Variants in STYXL2 observed in about 807,000 individuals in gnomAD.
STYXL2 encodes the protein serine/threonine/tyrosine-interacting-like protein 2.
A neutral mutation model predicts 52.4 loss-of-function variants in STYXL2; 44 were observed. That is an observed-to-expected ratio of 0.84 (90% confidence interval 0.66 to 1.08). The LOEUF (loss-of-function observed/expected upper bound fraction) is 1.08. STYXL2 is among the 50% of genes least tolerant of loss of function. The pLI is 0.00. For synonymous variants in STYXL2, 604 were observed against 586.9 expected, an observed-to-expected ratio of 1.03 and a Z score of -0.42; for missense variants, 1,604 against 1,471.7, an observed-to-expected ratio of 1.09 and a Z score of -1.47.
At chr1:167,099,356 G>A (rs1164757667) in intron 2 of STYXL2, among the ~76,000 whole-genome samples, 3 of 152,090 alleles carry the variant, frequency 2.0e-5, no homozygotes, top group Non-Finnish European at 2.9e-5. Context: ...TTAACCTAAT[G>A]AGCATTTATA....
chr1:167,126,280 G>T lies in STYXL2; in HGVS notation c.1149G>T (p.Glu383Asp). 3 of 1,535,956 alleles carry T rather than the reference G, an allele frequency of 2.0e-6. No individual in the cohort carries two copies. The highest frequency in any genetic ancestry group is 1.8e-6 in the Non-Finnish European group (2 of 1,141,770). ...RSASSGQGGE[E>D]LEDEDVERII... is the part of the protein sequence containing the mutation. ...CCTCCTCTGGCCAGGGTGGGGAGGA[G>T]CTCGAGGACGAGGACGTGGAGAGGA... The change falls in exon 6 of 6, where the codon GAG becomes GAT. Residue 383 changes from glutamate to aspartate, a missense_variant. Glu to Asp is a conservative substitution (Grantham distance 45). Coordinates refer to ENST00000361200, the MANE Select transcript of STYXL2 (RefSeq NM_001080426.3).
At chr1:167,103,009 G>A (rs997515715) in intron 2 of STYXL2, among the ~76,000 whole-genome samples, 2 of 132,514 alleles carry the variant, frequency 1.5e-5, no homozygotes, top group South Asian at 2.2e-4. Flanking sequence ...AAATCAAGCT[G>A]GTGACAGAGC....
chr1:167,121,184 T>C (rs1458442279), intron 5 of STYXL2, among the ~76,000 whole-genome samples: 1 of 151,914 alleles, frequency 6.6e-6, no homozygotes, highest in African/African-American at 2.4e-5. Flanking sequence ...AGCTAATTTT[T>C]GTATTTTTAG....
chr1:167,126,593 GAGA>G lies in STYXL2; in HGVS notation c.1465_1467del (p.Lys489del), dbSNP rs1170786321. 1 of 1,613,958 alleles carries G rather than the reference GAGA, an allele frequency of 6.2e-7. No individual in the cohort carries two copies. Among genetic ancestry groups the G allele is most frequent in the Non-Finnish European group, 8.5e-7 (1 of 1,180,020 alleles). On this transcript the variant is annotated inframe_deletion, in exon 6 of 6. Coordinates refer to ENST00000361200, the MANE Select transcript of STYXL2 (RefSeq NM_001080426.3). Reference sequence around the variant, plus strand: ...ATGGAACGAGAGGCTGCTGGAGATTGAGAAGGAGGCTTCCCGGAGGTACCACGC... The same window carrying G: ...ATGGAACGAGAGGCTGCTGGAGATTGAGGAGGCTTCCCGGAGGTACCACGC...
intron 5 of STYXL2, 74 bp from the exon 6 acceptor site, chr1:167,125,713 A>T (rs886263379): frequency 5.4e-6 from 8 of 1,493,310 alleles, no homozygotes; most frequent in Non-Finnish European, 7.1e-6. Context: ...CACTTACCAA[A>T]GAAAACAAAC....
chr1:167,099,889 G>T lies in STYXL2; in HGVS notation c.110+4930G>T, dbSNP rs541795988. Among the ~76,000 whole-genome samples the T allele has an allele frequency of 2.6e-5, 4 of 152,342 alleles. No individual in the cohort carries two copies. The East Asian group carries it at 7.7e-4, about 29-fold the overall frequency. On this transcript the variant is annotated intron_variant, in intron 2 of 5. Transcript: ENST00000361200. ...AACAACATGATGAACTGTCCAATTA[G>T]CAGTAGGCTAGATAAATAGAGTCTG...
chr1:167,125,993 C>T lies in STYXL2; in HGVS notation c.862C>T (p.Arg288Trp). 1.2e-6 allele frequency: 2 copies of T among 1,610,946 alleles called. No homozygotes were observed. The highest frequency in any genetic ancestry group is 8.5e-7 in the Non-Finnish European group (1 of 1,178,640). ...LMEEREEDYGREGGSAEAEEG... is the reference protein window; with the variant it reads ...LMEEREEDYGWEGGSAEAEEG... The stretch of plus-strand genomic sequence containing the variant: ...GGAGGAGAGAGAAGAGGACTATGGC[C>T]GGGAGGGGGGATCAGCTGAGGCTGA... The change falls in exon 6 of 6, where the codon CGG (arginine) becomes TGG (tryptophan). Residue 288 changes from arginine (R) to tryptophan (W), a missense_variant. Physicochemically the swap from Arg to Trp is moderately radical, Grantham distance 101 (BLOSUM62 -3). Coordinates refer to ENST00000361200, the MANE Select transcript of STYXL2 (RefSeq NM_001080426.3).
rs191572124 is a variant in STYXL2 at position 167,111,175 on chromosome 1, A to C, written c.111-2535A>C. Reference sequence around the variant, plus strand: ...GAAGAGAAATCTAAAAGTTTGGAAAACTTTTAGATGTGGGCATGGATGTGG... The same window carrying C: ...GAAGAGAAATCTAAAAGTTTGGAAACCTTTTAGATGTGGGCATGGATGTGG... On this transcript the variant is annotated intron_variant, in intron 2 of 5. Coordinates refer to ENST00000361200, the MANE Select transcript of STYXL2 (RefSeq NM_001080426.3). Among the ~76,000 whole-genome samples, 3 of 152,094 alleles carry C rather than the reference A, an allele frequency of 2.0e-5. No homozygotes were observed. In the East Asian group the frequency reaches 5.8e-4, roughly 29 times the overall value.
intron 5 of STYXL2, among the ~76,000 whole-genome samples, chr1:167,121,857 C>G (rs545057610): frequency 3.9e-5 from 6 of 152,324 alleles, no homozygotes; most frequent in African/African-American, 1.4e-4. Context: ...TGCCAGGCAG[C>G]GAAAGGCCCT....
chr1:167,095,630 A>G (rs1667269556), intron 2 of STYXL2, among the ~76,000 whole-genome samples: 1 of 152,234 alleles, frequency 6.6e-6, no homozygotes, highest in Non-Finnish European at 1.5e-5. Flanking sequence ...ACGAGACGTT[A>G]AAGAAATGTC....
chr1:167,104,869 G>T (rs549171297), intron 2 of STYXL2, among the ~76,000 whole-genome samples: 1 of 152,230 alleles, frequency 6.6e-6, no homozygotes, highest in East Asian at 1.9e-4. Flanking sequence ...TCAGCTATAG[G>T]AAAGTCTGGG....
At chr1:167,113,825 G>A in intron 3 of STYXL2, 21 bp downstream of exon 3, 1 of 1,596,144 alleles carries the variant, frequency 6.3e-7, no homozygotes, top group Non-Finnish European at 8.6e-7. Flanking sequence ...CAAAAGCTGG[G>A]TGGAAGCAAA....
chr1:167,119,369 C>T lies in STYXL2; in HGVS notation c.558C>T (p.Tyr186=). 6.2e-7 allele frequency: 1 copy of T among 1,614,172 alleles called. No individual in the cohort carries two copies. The highest frequency in any genetic ancestry group is 8.5e-7 in the Non-Finnish European group (1 of 1,180,034). ...TCTACACTGGCCTGGAGATCCAGTA[C>T]CTGGGTGTAGAGGTGGATGACTTTC... ...PEFYTGLEIQ[Y]LGVEVDDFPE... is the part of the protein sequence containing the mutation. Residue 186 remains tyrosine (Y), a synonymous_variant, in exon 5 of 6, where the codon TAC becomes TAT. Coordinates refer to ENST00000361200, the MANE Select transcript of STYXL2 (RefSeq NM_001080426.3).
In STYXL2 at chr1:167,126,203, C is replaced by A; in HGVS notation, c.1072C>A (p.Gln358Lys). The change falls in exon 6 of 6, where the codon CAG becomes AAG. Residue 358 changes from glutamine to lysine, a missense_variant. Gln to Lys is a moderately conservative substitution (Grantham distance 53, BLOSUM62 1). Coordinates refer to ENST00000361200, the MANE Select transcript of STYXL2 (RefSeq NM_001080426.3). ...ACTGTACGAGCAGTGGAAGAAGGGG[C>A]AGGGCCTCCTCTCAGACAAGGTCCC... ...EKLYEQWKKG[Q>K]GLLSDKVPQD... 1.3e-6 allele frequency: 2 copies of A among 1,533,376 alleles called. No homozygotes were observed. The highest frequency in any genetic ancestry group is 1.7e-6 in the Non-Finnish European group (2 of 1,144,998). The allele number at this position is 1,533,376 out of a possible 1,614,324, so 95.0% of individuals were successfully genotyped here. A position where few individuals can be genotyped will look rare whatever the true frequency, so the allele number is the denominator to read the frequency against.
intron 5 of STYXL2, among the ~76,000 whole-genome samples, chr1:167,121,868 T>C (rs891975263): frequency 1.3e-5 from 2 of 152,120 alleles, no homozygotes; most frequent in Non-Finnish European, 2.9e-5. Context: ...GAAAGGCCCT[T>C]ATTGTTGCTG....
chr1:167,118,729 C>A (rs1177240597), intron 4 of STYXL2, among the ~76,000 whole-genome samples: 1 of 152,168 alleles, frequency 6.6e-6, no homozygotes, highest in African/African-American at 2.4e-5. Context: ...CTTTCACAAT[C>A]TTGGGAAGTT....
chr1:167,106,067 C>T (rs1268664701), intron 2 of STYXL2, among the ~76,000 whole-genome samples: 2 of 152,212 alleles, frequency 1.3e-5, no homozygotes, highest in African/African-American at 4.8e-5. Context: ...TTTTCAAATT[C>T]TCCCCTATCA....
At chr1:167,101,837 C>G (rs1667409627) in intron 2 of STYXL2, among the ~76,000 whole-genome samples, 1 of 150,446 alleles carries the variant, frequency 6.6e-6, no homozygotes, top group East Asian at 1.9e-4. Context: ...TATGCAAAGA[C>G]TGGGACATGA....
chr1:167,103,903 C>G (rs1048748536), intron 2 of STYXL2, among the ~76,000 whole-genome samples: 1 of 152,120 alleles, frequency 6.6e-6, no homozygotes, highest in African/African-American at 2.4e-5. Context: ...AGGCGGATCA[C>G]AAGGTCAGGA....
Sources: gnomAD v4.1 joint callset for allele counts (sites outside exome capture counted in the v4.1 genomes callset) on GRCh38, gnomAD v4.1.1 for gene constraint, MANE v1.5 for transcripts, NCBI Gene and HGNC (gene_info 2026-07-23, HGNC 2026-07-21) for gene names.